Variants in NPNT observed in about 807,000 individuals in gnomAD.
NPNT encodes the protein nephronectin.
In NPNT, 45 loss-of-function variants were observed where a neutral mutation model predicts 68.6. The ratio of observed to expected loss-of-function variants is 0.66; its 90% CI spans 0.52 to 0.84. NPNT has a LOEUF of 0.84. NPNT is among the 40% of genes least tolerant of loss of function. The pLI, the probability that NPNT is intolerant of heterozygous loss-of-function variation, is 0.00. For synonymous variants in NPNT, 233 were observed against 253.3 expected (o/e 0.92, Z 0.76); for missense variants, 672 against 714.8 (o/e 0.94, Z 0.68).
chr4:105,941,336 C>G (rs770273635), intron 7 of NPNT, among the ~76,000 whole-genome samples: 1 of 151,712 alleles, frequency 6.6e-6, no homozygotes, highest in South Asian at 2.1e-4. Context: ...GGCAAGAGAG[C>G]GAGACCTGTC....
intron 4 of NPNT, among the ~76,000 whole-genome samples, chr4:105,937,936 T>C (rs1423829890): frequency 6.6e-6 from 1 of 152,204 alleles, no homozygotes; most frequent in Non-Finnish European, 1.5e-5. Flanking sequence ...TGTTTAACAT[T>C]GTGCAACTCA....
At position 105,967,386 on chromosome 4, in the gene NPNT, A is replaced by T. The variant is rs1560547736; in HGVS notation, c.1544A>T (p.Asn515Ile). The T allele has an allele frequency of 5.6e-6, 9 of 1,605,624 alleles. No individual in the cohort carries two copies. The highest frequency in any genetic ancestry group is 7.7e-6 in the Non-Finnish European group (9 of 1,176,442). ...CACGGAGCAGCCCTGTGGGGAAGAA[A>T]TGGTGGCCATGGCTGGAGGCAAACA... Reference protein sequence around the residue: ...GAHGAALWGRNGGHGWRQTQI... With the variant: ...GAHGAALWGRIGGHGWRQTQI... The change falls in exon 11 of 12, where the codon AAT becomes ATT. Residue 515 changes from asparagine (N) to isoleucine (I), a missense_variant. Coordinates refer to ENST00000379987, the MANE Select transcript of NPNT (RefSeq NM_001033047.3).
At chr4:105,896,095 T>A in intron 1 of NPNT, 1 of 240,132 alleles carries the variant, frequency 4.2e-6, no homozygotes, top group Non-Finnish European at 8.1e-6. Context: ...CTCCCGCGCC[T>A]GAACTAGACG....
At chr4:105,937,495 G>A (rs964998199) in intron 4 of NPNT, among the ~76,000 whole-genome samples, 2 of 148,502 alleles carry the variant, frequency 1.3e-5, no homozygotes, top group African/African-American at 4.9e-5. Flanking sequence ...TTTAGGGACT[G>A]CTCAGACAGA....
At chr4:105,905,231 T>C (rs1175389095) in intron 2 of NPNT, among the ~76,000 whole-genome samples, 1 of 152,208 alleles carries the variant, frequency 6.6e-6, no homozygotes, top group Non-Finnish European at 1.5e-5. Context: ...CTTAAAACCA[T>C]AGGGGCATAT....
At chr4:105,916,971 T>C (rs1451055250) in intron 2 of NPNT, among the ~76,000 whole-genome samples, 1 of 151,278 alleles carries the variant, frequency 6.6e-6, no homozygotes, top group East Asian at 1.9e-4. Context: ...TGAATATATT[T>C]GTCTCCCTAC....
intron 8 of NPNT, among the ~76,000 whole-genome samples, chr4:105,943,368 A>G (rs1730142445): frequency 6.6e-6 from 1 of 152,214 alleles, no homozygotes; most frequent in African/African-American, 2.4e-5. Context: ...AGTAGGAAGC[A>G]GTGTAATAGG....
At chr4:105,904,865 A>T (rs892634677) in intron 2 of NPNT, among the ~76,000 whole-genome samples, 1 of 151,878 alleles carries the variant, frequency 6.6e-6, no homozygotes, top group Non-Finnish European at 1.5e-5. Context: ...TAATCAACTG[A>T]TGGAGTTGAT....
chr4:105,902,358 A>G (rs528316610), intron 2 of NPNT, among the ~76,000 whole-genome samples: 133 of 152,310 alleles, frequency 8.7e-4, no homozygotes, highest in Middle Eastern at 3.4e-3. Context: ...TTTTAAACGT[A>G]AAGCAATTTT....
At chr4:105,917,089 A>G (rs1727881335) in intron 2 of NPNT, among the ~76,000 whole-genome samples, 1 of 152,242 alleles carries the variant, frequency 6.6e-6, no homozygotes, top group East Asian at 1.9e-4. Context: ...TGTGTCATCT[A>G]CTGCTTACAG....
rs150522345 is a variant in NPNT, at chr4:105,943,640, A to G, written c.1159+938A>G. 1.8e-4 allele frequency among the ~76,000 whole-genome samples: 28 copies of G among 152,270 alleles called. No individual in the cohort carries two copies. In the East Asian group the frequency reaches 5.2e-3, roughly 28 times the overall value. ...CCAAAATTTGCATGTTATAACTTTCATCTGTTCCTCATATTTATCTGCTTG... is the reference window on the plus strand; with the variant it reads ...CCAAAATTTGCATGTTATAACTTTCGTCTGTTCCTCATATTTATCTGCTTG... On this transcript the variant is annotated intron_variant, in intron 8 of 11. Coordinates refer to ENST00000379987, the MANE Select transcript of NPNT (RefSeq NM_001033047.3).
rs1218579529 is a variant in NPNT, at chr4:105,968,764, TTC to T, written c.1603-129_1603-128del. 4 of 593,118 alleles carry T rather than the reference TTC, an allele frequency of 6.7e-6. No individual in the cohort carries two copies. The East Asian group carries it at 8.4e-5, about 12-fold the overall frequency. 36.7% of individuals were successfully genotyped at this position (593,118 alleles called of 1,614,324 possible). On this transcript the variant is annotated intron_variant, in intron 11 of 11. Transcript: ENST00000379987. Reference sequence around the variant, plus strand: ...AGCTTCAGTGATACTGGCAACTATATTCTGTTTTTTTCCTCCTGCAAAATAAG... The same window carrying T: ...AGCTTCAGTGATACTGGCAACTATATTGTTTTTTTCCTCCTGCAAAATAAG...
intron 2 of NPNT, among the ~76,000 whole-genome samples, chr4:105,914,292 G>C (rs1016232732): frequency 7.8e-5 from 11 of 141,548 alleles, no homozygotes; most frequent in Non-Finnish European, 1.4e-4. Flanking sequence ...CATTTTACTG[G>C]GATGATATCT....
At position 105,970,512 on chromosome 4, in the gene NPNT, G is replaced by A. The variant is rs1391951456; in HGVS notation, c.*1522G>A. ...CATTGATGGTTTTCAAGTATATGAAGGGTTGGCACAGAGAGGGTGGCGACC... is the reference window on the plus strand; with the variant it reads ...CATTGATGGTTTTCAAGTATATGAAAGGTTGGCACAGAGAGGGTGGCGACC... On this transcript the variant is annotated 3_prime_UTR_variant, in exon 12 of 12. Coordinates refer to ENST00000379987, the MANE Select transcript of NPNT (RefSeq NM_001033047.3). 2.9e-6 allele frequency: 2 copies of A among 688,146 alleles called. No homozygotes were observed. Among genetic ancestry groups the A allele is most frequent in the Non-Finnish European group, 2.7e-6 (1 of 374,830 alleles). 42.6% of individuals were successfully genotyped at this position (688,146 alleles called of 1,614,324 possible).
chr4:105,938,898 C>A (rs1012382732), intron 5 of NPNT, among the ~76,000 whole-genome samples: 7 of 152,106 alleles, frequency 4.6e-5, no homozygotes, highest in African/African-American at 1.7e-4. Flanking sequence ...AGGCAAGAGA[C>A]TTTGTTGCTT....
intron 2 of NPNT, among the ~76,000 whole-genome samples, chr4:105,919,935 G>A (rs914281612): frequency 1.3e-5 from 2 of 151,660 alleles, no homozygotes; most frequent in Admixed American, 1.3e-4. Context: ...ACTTTCACTT[G>A]GTGAAAGTTT....
At chr4:105,966,616 G>T (rs1250409506) in intron 10 of NPNT, among the ~76,000 whole-genome samples, 1 of 151,898 alleles carries the variant, frequency 6.6e-6, no homozygotes, top group African/African-American at 2.4e-5. Flanking sequence ...TTACACCAGT[G>T]TGAGAAGCTC....
intron 8 of NPNT, among the ~76,000 whole-genome samples, chr4:105,953,543 T>C (rs1423779667): frequency 2.0e-5 from 3 of 152,208 alleles, no homozygotes; most frequent in Non-Finnish European, 4.4e-5. Context: ...TATTTGCTTT[T>C]CTCTCTGATC....
chr4:105,944,490 G>C (rs776483618), intron 8 of NPNT, among the ~76,000 whole-genome samples: 8 of 152,042 alleles, frequency 5.3e-5, no homozygotes, highest in Non-Finnish European at 1.0e-4. Context: ...TTTTTAAAAT[G>C]TTTCTCTTTA....
Sources: gnomAD v4.1 joint callset for allele counts (sites outside exome capture counted in the v4.1 genomes callset) on GRCh38, gnomAD v4.1.1 for gene constraint, MANE v1.5 for transcripts, NCBI Gene and HGNC (gene_info 2026-07-23, HGNC 2026-07-21) for gene names.